Variants in FANCA observed in about 807,000 individuals in gnomAD.
The protein encoded by FANCA is Fanconi anemia group A protein.
Under a neutral mutation model 194.3 loss-of-function variants are expected in FANCA, and 236 were observed. The observed-to-expected ratio is 1.21, with a 90% CI of 1.09 to 1.35. The LOEUF (loss-of-function observed/expected upper bound fraction) is 1.35, where lower values mean the gene tolerates loss of function less well. Among genes scored for constraint, FANCA ranks in the 40% most tolerant of loss-of-function variants. The pLI is 0.00. For missense variants in FANCA, 2,628 were observed against 1,813.9 expected (o/e 1.45, Z -8.15); for synonymous variants, 1,014 against 715.8 (o/e 1.42, Z -6.65).
intron 30 of FANCA, among the ~76,000 whole-genome samples, chr16:89,757,054 T>A (rs572724754): frequency 8.7e-4 from 132 of 152,270 alleles, no homozygotes; most frequent in African/African-American, 3.0e-3. Flanking sequence ...TCACAGCTCA[T>A]TGCAACCTCT....
chr16:89,797,800 CAGA>C (rs1356145984), intron 10 of FANCA, among the ~76,000 whole-genome samples: 2 of 152,094 alleles, frequency 1.3e-5, no homozygotes, highest in Non-Finnish European at 2.9e-5. Context: ...GAGGCTGAGG[CAGA>C]AGAATTGATT....
rs36110837 is a variant in FANCA, at chr16:89,767,048, C to G, written c.2601+93G>C. On this transcript the variant is annotated intron_variant, in intron 27 of 42. Coordinates refer to ENST00000389301, the MANE Select transcript of FANCA (RefSeq NM_000135.4). ...CCAGGAGCTGCCCCTGAGATGGGCA[C>G]AAAGCGGCAGCAGACCTCGGCCTTC... The G allele has an allele frequency of 8.2e-3, 8,519 of 1,037,210 alleles. 66 individuals are homozygous for G. The highest frequency in any genetic ancestry group is 0.017 in the Admixed American group (983 of 58,874). The allele number at this position is 1,037,210 out of a possible 1,614,324, so 64.3% of individuals were successfully genotyped here. A position where few individuals can be genotyped will look rare whatever the true frequency, so the allele number is the denominator to read the frequency against.
At chr16:89,802,990 C>T (rs1268955802) in intron 8 of FANCA, among the ~76,000 whole-genome samples, 2 of 152,050 alleles carry the variant, frequency 1.3e-5, no homozygotes, top group African/African-American at 2.4e-5. Flanking sequence ...CAGAGTGAGG[C>T]GGCTATAGTT....
At chr16:89,791,622 C>A in intron 13 of FANCA, 86 bp from the exon 14 acceptor site, 2 of 1,564,406 alleles carry the variant, frequency 1.3e-6, no homozygotes, top group Non-Finnish European at 1.7e-6. Flanking sequence ...ATCAAGTATT[C>A]CAGAAGGAGA....
chr16:89,790,751 A>G (rs1375531452), intron 14 of FANCA, among the ~76,000 whole-genome samples: 1 of 151,900 alleles, frequency 6.6e-6, no homozygotes, highest in African/African-American at 2.4e-5. Context: ...AAAAAAAAAA[A>G]AGGGAAAATA....
rs1040251988 is a variant in FANCA, at chr16:89,782,304, G to A, written c.1626+555C>T. 4.0e-5 allele frequency among the ~76,000 whole-genome samples: 6 copies of A among 151,870 alleles called. No individual in the cohort carries two copies. In the East Asian group the frequency reaches 9.7e-4, roughly 25 times the overall value. On this transcript the variant is annotated intron_variant, in intron 17 of 42. Coordinates refer to ENST00000389301, the MANE Select transcript of FANCA (RefSeq NM_000135.4). ...AGGCGGGCGGATCACAAGGTCAGGA[G>A]ATTGAGACCATTCTGGCTAACATGG... is the stretch of plus-strand genomic sequence containing the variant.
In FANCA at chr16:89,738,447, C is replaced by G. The variant is rs1230; in HGVS notation, c.*154G>C. On this transcript the variant is annotated 3_prime_UTR_variant, in exon 43 of 43. Coordinates refer to ENST00000389301, the MANE Select transcript of FANCA (RefSeq NM_000135.4). ...ATTTTCCCGCAAACGCTGAGTGACT[C>G]GGGGCCGGACAGTTCATAAATAATT... 2.2e-6 allele frequency: 3 copies of G among 1,384,922 alleles called. No individual in the cohort carries two copies. Among genetic ancestry groups the G allele is most frequent in the Middle Eastern group, 2.5e-4 (1 of 4,032 alleles). 85.8% of individuals were successfully genotyped at this position (1,384,922 alleles called of 1,614,324 possible). A position where few individuals can be genotyped will look rare whatever the true frequency, so the allele number is the denominator to read the frequency against.
At chr16:89,759,561 C>G (rs980105362) in intron 29 of FANCA, among the ~76,000 whole-genome samples, 1 of 151,804 alleles carries the variant, frequency 6.6e-6, no homozygotes, top group East Asian at 1.9e-4. Context: ...AGGAGTCTGA[C>G]ATCAGCCTGA....
At position 89,799,250 on chromosome 16, in the gene FANCA, AAC is replaced by A; in HGVS notation, c.827-20_827-19del. 1 of 1,613,786 alleles carries A rather than the reference AAC, an allele frequency of 6.2e-7. No homozygotes were observed. Among genetic ancestry groups the A allele is most frequent in the Non-Finnish European group, 8.5e-7 (1 of 1,180,042 alleles). On this transcript the variant is annotated intron_variant, in intron 9 of 42. Transcript: ENST00000389301. The stretch of plus-strand genomic sequence containing the variant: ...AAGTGCAACTGAAGACAGAGCCAGG[AAC>A]AGAAAACAGATGTCAGCACACGGCG...
intron 10 of FANCA, among the ~76,000 whole-genome samples, chr16:89,796,703 C>T (rs1567639844): frequency 6.6e-6 from 1 of 152,172 alleles, no homozygotes; most frequent in South Asian, 2.1e-4. Context: ...GCAAGCGGCA[C>T]TTTATGCCGA....
chr16:89,816,157 C>T (rs2041113836), intron 1 of FANCA, 171 bp from the exon 2 acceptor site: 1 of 666,260 alleles, frequency 1.5e-6, no homozygotes, highest in Non-Finnish European at 2.7e-6. Flanking sequence ...GACGGCCCCA[C>T]CGCGGACGCC....
At chr16:89,739,964 G>A (rs373635819) in intron 39 of FANCA, 30 bp downstream of exon 39, 58 of 1,612,306 alleles carry the variant, frequency 3.6e-5, no homozygotes, top group Admixed American at 6.7e-5. Flanking sequence ...GCGGCCCTCC[G>A]CATTTGTGCC....
intron 37 of FANCA, among the ~76,000 whole-genome samples, chr16:89,741,171 A>G (rs886560167): frequency 5.9e-5 from 9 of 152,318 alleles, no homozygotes; most frequent in Middle Eastern, 6.8e-3. Context: ...ACTCAGCATC[A>G]TCTCCCTGCA....
chr16:89,795,319 T>TAAATAAATAAATA (rs1555564112), intron 11 of FANCA, among the ~76,000 whole-genome samples: 2 of 149,666 alleles, frequency 1.3e-5, no homozygotes, highest in African/African-American at 5.0e-5. Flanking sequence ...AATAAATAAA[T>TAAATAAATAAATA]AAATAAAATA....
Position 89,775,755 on chromosome 16 carries a change from T to C in FANCA, c.1887A>G (p.Glu629=), listed in dbSNP as rs769662954. 1.4e-5 allele frequency: 22 copies of C among 1,612,090 alleles called. 1 individual carries two copies. The Admixed American group carries it at 3.7e-4, about 27-fold the overall frequency. Residue 629 remains glutamate, a synonymous_variant, in exon 21 of 43, where the codon GAA becomes GAG. Transcript: ENST00000389301. ...STYCQACSAA[E]EKPEDAALGV... ...CCAGGAACTTACCTTCTGGCTTCTCTTCAGCAGCAGAGCAGGCCTGGCAGT... is the reference window on the plus strand; with the variant it reads ...CCAGGAACTTACCTTCTGGCTTCTCCTCAGCAGCAGAGCAGGCCTGGCAGT...
At chr16:89,739,011 C>T (rs754990688) in intron 41 of FANCA, 37 bp from the exon 42 acceptor site, 13 of 1,613,988 alleles carry the variant, frequency 8.1e-6, no homozygotes, top group Admixed American at 1.7e-5. Context: ...GGTTAGAAGA[C>T]ATACAGAAAC....
chr16:89,774,939 C>T (rs2039450863), intron 21 of FANCA, among the ~76,000 whole-genome samples: 1 of 151,606 alleles, frequency 6.6e-6, no homozygotes, highest in South Asian at 2.1e-4. Context: ...ACTAAAAATA[C>T]AAAAACTAGC....
rs1210226995 is a variant in FANCA, at chr16:89,814,651, T to C, written c.190-38A>G. 2.0e-6 allele frequency: 3 copies of C among 1,523,782 alleles called. No homozygotes were observed. In the African/African-American group the frequency reaches 4.1e-5, roughly 21 times the overall value. 94.4% of individuals were successfully genotyped at this position (1,523,782 alleles called of 1,614,324 possible). A position where few individuals can be genotyped will look rare whatever the true frequency, so the allele number is the denominator to read the frequency against. ...ACACAACAAACTCCATTTAAAAAAT[T>C]CAAGCTCCAGGCCAGGCGTAGTGGC... On this transcript the variant is annotated intron_variant, in intron 2 of 42. Transcript: ENST00000389301.
intron 30 of FANCA, among the ~76,000 whole-genome samples, chr16:89,757,356 C>T (rs1387194809): frequency 6.6e-6 from 1 of 152,130 alleles, no homozygotes; most frequent in African/African-American, 2.4e-5. Context: ...CAAGAAGTCA[C>T]CCACGATGGA....
Sources: gnomAD v4.1 joint callset for allele counts (sites outside exome capture counted in the v4.1 genomes callset) on GRCh38, gnomAD v4.1.1 for gene constraint, MANE v1.5 for transcripts, NCBI Gene and HGNC (gene_info 2026-07-23, HGNC 2026-07-21) for gene names.